The following FAT1 variants were observed in gnomAD, a reference collection of about 807,000 sequenced individuals.
FAT1 encodes protocadherin Fat 1.
Under a neutral mutation model 329.8 loss-of-function variants are expected in FAT1, and 171 were observed. The ratio of observed to expected loss-of-function variants is 0.52; its 90% CI spans 0.46 to 0.59. FAT1 has a LOEUF of 0.59. FAT1 is among the 20% of genes least tolerant of loss of function. The pLI, the probability that FAT1 is intolerant of heterozygous loss-of-function variation, is 0.00. For synonymous variants in FAT1, 2,233 were observed against 2,228.6 expected, an observed-to-expected ratio of 1.00 and a Z score of -0.06; for missense variants, 5,672 against 5,774.4, an observed-to-expected ratio of 0.98 and a Z score of 0.57.
chr4:186,604,219 G>A (rs1738980516), intron 18 of FAT1, among the ~76,000 whole-genome samples, 158 bp downstream of exon 18: 1 of 152,076 alleles, frequency 6.6e-6, no homozygotes, highest in Non-Finnish European at 1.5e-5. Context: ...CAAACACAGC[G>A]GGATAAAAAT....
intron 2 of FAT1, among the ~76,000 whole-genome samples, chr4:186,671,276 A>G (rs1394469427): frequency 6.6e-6 from 1 of 152,184 alleles, no homozygotes; most frequent in Non-Finnish European, 1.5e-5. Context: ...TTAAATAACA[A>G]TCTAATTCAA....
rs1399291762 is a variant in FAT1, at chr4:186,603,708, G to A, written c.10818C>T (p.Asp3606=). 8 of 1,613,868 alleles carry A rather than the reference G, an allele frequency of 5.0e-6. No individual in the cohort carries two copies. The highest frequency in any genetic ancestry group is 4.0e-5 in the African/African-American group (3 of 74,936). ...GGKLIAHKKL[D]IGQYLLNVSV... ...TGACATTGAGAAGGTATTGCCCTAT[G>A]TCTAGCTTTTTGTGTGCTATCAGCT... is the stretch of plus-strand genomic sequence containing the variant. Residue 3606 remains aspartate (D), a synonymous_variant, in exon 19 of 27, where the codon GAC becomes GAT. Coordinates refer to ENST00000441802, the MANE Select transcript of FAT1 (RefSeq NM_005245.4).
In FAT1 at chr4:186,617,937, GTAATTGTC is replaced by G; in HGVS notation, c.8641_8648del (p.Asp2881ProfsTer3). The G allele has an allele frequency of 6.2e-7, 1 of 1,613,946 alleles. No homozygotes were observed. The highest frequency in any genetic ancestry group is 8.5e-7 in the Non-Finnish European group (1 of 1,179,888). On this transcript the variant is annotated frameshift_variant, in exon 10 of 27. Transcript: ENST00000441802. LOFTEE classifies it high-confidence loss of function. The stretch of plus-strand genomic sequence containing the variant: ...GATCTGATGCAACCACTTTAATCTG[GTAATTGTC>G]TCTCTTTTCATGGTCAAGTTCCTTT...
chr4:186,668,276 A>G (rs1742554521), intron 2 of FAT1, among the ~76,000 whole-genome samples: 1 of 152,196 alleles, frequency 6.6e-6, no homozygotes, highest in African/African-American at 2.4e-5. Flanking sequence ...TCTCTAGGTC[A>G]AAACCCCGAA....
intron 7 of FAT1, among the ~76,000 whole-genome samples, chr4:186,632,924 C>T (rs1740660630): frequency 6.6e-6 from 1 of 152,140 alleles, no homozygotes; most frequent in Non-Finnish European, 1.5e-5. Context: ...GTGTAAGCTC[C>T]AAGAGGGCAA....
At chr4:186,699,690 GT>G (rs145772201) in intron 2 of FAT1, among the ~76,000 whole-genome samples, 30,259 of 142,806 alleles carry the variant, frequency 0.21, 3,690 homozygotes, top group African/African-American at 0.36. Flanking sequence ...ATGGTCTGCT[GT>G]TTGAAAAAAA....
At chr4:186,606,291 G>C (rs2126449302) in intron 16 of FAT1, 78 bp from the exon 17 acceptor site, 7 of 1,521,762 alleles carry the variant, frequency 4.6e-6, no homozygotes, top group Non-Finnish European at 6.3e-6. Context: ...CCTCCTGAGA[G>C]TCCTGACGGG....
rs745703660 is a variant in FAT1 at position 186,617,796 on chromosome 4, A to T, written c.8790T>A (p.Asp2930Glu). 1 of 1,614,004 alleles carries T rather than the reference A, an allele frequency of 6.2e-7. No homozygotes were observed. The highest frequency in any genetic ancestry group is 8.5e-7 in the Non-Finnish European group (1 of 1,179,878). Residue 2930 changes from aspartate to glutamate, a missense_variant, in exon 10 of 27, where the codon GAT (aspartate) becomes GAA (glutamate). Asp to Glu is a conservative substitution (Grantham distance 45). Around this residue, in one of 2 missense-constraint regions of FAT1, gnomAD observed 3,966 missense variants for 3,915.2 expected, o/e 1.01. Coordinates refer to ENST00000441802, the MANE Select transcript of FAT1 (RefSeq NM_005245.4). Reference sequence around the variant, plus strand: ...TGGCAATCACCCCACCTTGGGGGTCATCCTCACTCACAGTCCCTTTATAGA... The same window carrying T: ...TGGCAATCACCCCACCTTGGGGGTCTTCCTCACTCACAGTCCCTTTATAGA... ...AEIYKGTVSEDDPQGGVIAIL... is the reference protein window; with the variant it reads ...AEIYKGTVSEEDPQGGVIAIL...
chr4:186,672,639 G>A (rs1579426689), intron 2 of FAT1, among the ~76,000 whole-genome samples: 1 of 152,176 alleles, frequency 6.6e-6, no homozygotes, highest in Non-Finnish European at 1.5e-5. Flanking sequence ...ACTCCTTACA[G>A]CAACCCTAAG....
chr4:186,647,126 T>C (rs2126587611), intron 3 of FAT1, among the ~76,000 whole-genome samples: 1 of 152,330 alleles, frequency 6.6e-6, no homozygotes, highest in African/African-American at 2.4e-5. Context: ...TACGAAAGCC[T>C]AAGACAAGGC....
intron 4 of FAT1, 63 bp from the exon 5 acceptor site, chr4:186,636,977 C>A: frequency 7.2e-7 from 1 of 1,383,172 alleles, no homozygotes; most frequent in Non-Finnish European, 9.9e-7. Context: ...TGAGCATCTT[C>A]TTCCTCATGC....
intron 18 of FAT1, 61 bp downstream of exon 18, chr4:186,604,316 C>T: frequency 7.2e-7 from 1 of 1,384,554 alleles, no homozygotes. Context: ...AAGAGGGGAA[C>T]CACGCCAAGC....
In FAT1 at chr4:186,587,861, C is replaced by T. The variant is rs1296916924; in HGVS notation, c.*731G>A. The T allele has an allele frequency of 9.4e-6, 2 of 212,242 alleles. No individual in the cohort carries two copies. The highest frequency in any genetic ancestry group is 7.2e-5 in the East Asian group (1 of 13,976). 13.1% of individuals were successfully genotyped at this position (212,242 alleles called of 1,614,324 possible). A position where few individuals can be genotyped will look rare whatever the true frequency, so the allele number is the denominator to read the frequency against. The stretch of plus-strand genomic sequence containing the variant: ...TGGTAGTTTTCATTAAAAACCTTTA[C>T]AAGACCATTGCATCACAAATATACA... On this transcript the variant is annotated 3_prime_UTR_variant, in exon 27 of 27. Transcript: ENST00000441802.
In FAT1 at chr4:186,628,648, G is replaced by A. The variant is rs2126544782; in HGVS notation, c.4439C>T (p.Ala1480Val). Residue 1480 changes from alanine (A) to valine (V), a missense_variant, in exon 8 of 27, where the codon GCT becomes GTT. Around this residue, in one of 2 missense-constraint regions of FAT1, gnomAD observed 3,966 missense variants for 3,915.2 expected, o/e 1.01. Coordinates refer to ENST00000441802, the MANE Select transcript of FAT1 (RefSeq NM_005245.4). ...APETEILQISAVDQDEKNKLI... is the reference protein window; with the variant it reads ...APETEILQISVVDQDEKNKLI... Reference sequence around the variant, plus strand: ...TTTGTTTTTCTCATCCTGATCCACAGCACTGATTTGCAAAATTTCTGTTTC... The same window carrying A: ...TTTGTTTTTCTCATCCTGATCCACAACACTGATTTGCAAAATTTCTGTTTC... 1 of 1,613,966 alleles carries A rather than the reference G, an allele frequency of 6.2e-7. No homozygotes were observed. Among genetic ancestry groups the A allele is most frequent in the Non-Finnish European group, 8.5e-7 (1 of 1,179,888 alleles).
intron 2 of FAT1, among the ~76,000 whole-genome samples, chr4:186,667,804 C>T (rs1279310069): frequency 6.6e-6 from 1 of 152,130 alleles, no homozygotes; most frequent in East Asian, 1.9e-4. Flanking sequence ...TTGCTTAAGC[C>T]CTGGAGTGAT....
chr4:186,645,184 G>A (rs1370832530), intron 3 of FAT1, among the ~76,000 whole-genome samples: 2 of 151,638 alleles, frequency 1.3e-5, no homozygotes, highest in East Asian at 3.9e-4. Context: ...GGACCAGCTG[G>A]CCACCAGCCA....
rs2126431139 is a variant in FAT1 at position 186,603,644 on chromosome 4, T to G, written c.10882A>C (p.Thr3628Pro). Reference sequence around the variant, plus strand: ...TGTGTGACTTGTCTGATATGCACTGTGATGTCGGCCACCGTCGTGAACTTC... The same window carrying G: ...TGTGTGACTTGTCTGATATGCACTGGGATGTCGGCCACCGTCGTGAACTTC... Reference protein sequence around the residue: ...DGKFTTVADITVHIRQVTQEM... With the variant: ...DGKFTTVADIPVHIRQVTQEM... Residue 3628 changes from threonine to proline, a missense_variant, in exon 19 of 27, where the codon ACA (threonine) becomes CCA (proline). Thr to Pro is a conservative substitution (Grantham distance 38). Around this residue, in one of 2 missense-constraint regions of FAT1, gnomAD observed 1,706 missense variants for 1,859.1 expected, o/e 0.92. Coordinates refer to ENST00000441802, the MANE Select transcript of FAT1 (RefSeq NM_005245.4). The G allele has an allele frequency of 6.2e-7, 1 of 1,614,014 alleles. No homozygotes were observed. Among genetic ancestry groups the G allele is most frequent in the Non-Finnish European group, 8.5e-7 (1 of 1,179,878 alleles).
At position 186,707,890 on chromosome 4, in the gene FAT1, T is replaced by A. The variant is rs749072772; in HGVS notation, c.1938A>T (p.Thr646=). 6.2e-7 allele frequency: 1 copy of A among 1,613,964 alleles called. No individual in the cohort carries two copies. Among genetic ancestry groups the A allele is most frequent in the Admixed American group, 1.7e-5 (1 of 60,022 alleles). Residue 646 remains threonine, a synonymous_variant, in exon 2 of 27, where the codon ACA becomes ACT. Transcript: ENST00000441802. ...TGGCAAAATTTTCTCCATCTGTAGC[T>A]GTGATTCTCAGACTGTGGAAAGACA... ...AKVSFHSLRI[T]ATDGENFATP... is the part of the protein sequence containing the mutation.
chr4:186,701,538 A>G (rs1421528126), intron 2 of FAT1, among the ~76,000 whole-genome samples: 5 of 152,102 alleles, frequency 3.3e-5, no homozygotes, highest in Admixed American at 3.3e-4. Context: ...CCCGTCTCTA[A>G]TCAAGTTCCT....
Sources: allele counts gnomAD v4.1 joint callset (sites outside exome capture counted in the v4.1 genomes callset), GRCh38; gene constraint gnomAD v4.1.1; regional missense constraint gnomAD v4.1.1; transcripts MANE v1.5; gene names NCBI Gene and HGNC (gene_info 2026-07-23, HGNC 2026-07-21).